DENND2C: variants seen among roughly 807,000 people sequenced by gnomAD.
The protein encoded by DENND2C is DENN domain containing 2C.
In DENND2C, 72 loss-of-function variants were observed where a neutral mutation model predicts 112.4. The ratio of observed to expected loss-of-function variants is 0.64; its 90% CI spans 0.53 to 0.78. The LOEUF is 0.78. Ranked by LOEUF, DENND2C falls within the 30% of genes least tolerant of loss-of-function variation. DENND2C has a pLI of 0.00. For missense variants in DENND2C, 992 were observed against 1,113.8 expected, an observed-to-expected ratio of 0.89 and a Z score of 1.56; for synonymous variants, 329 against 381.6, an observed-to-expected ratio of 0.86 and a Z score of 1.61.
At chr1:114,608,265 T>C (rs1655713186) in intron 10 of DENND2C, among the ~76,000 whole-genome samples, 1 of 150,238 alleles carries the variant, frequency 6.7e-6, no homozygotes, top group Admixed American at 6.6e-5. Flanking sequence ...CAAGACTCCA[T>C]CTAAAAAAAA....
intron 1 of DENND2C, among the ~76,000 whole-genome samples, chr1:114,667,799 A>T (rs1657686962): frequency 1.3e-5 from 2 of 152,174 alleles, no homozygotes; most frequent in Admixed American, 1.3e-4. Flanking sequence ...ACTGATTTGA[A>T]TCCTACTTTT....
At chr1:114,662,360 C>T (rs959907348) in intron 1 of DENND2C, among the ~76,000 whole-genome samples, 5 of 152,092 alleles carry the variant, frequency 3.3e-5, no homozygotes, top group South Asian at 4.1e-4. Flanking sequence ...AAATAACTCT[C>T]TCTCTCCCCC....
chr1:114,669,387 G>C (rs1400247570), intron 1 of DENND2C, among the ~76,000 whole-genome samples: 2 of 152,088 alleles, frequency 1.3e-5, no homozygotes, highest in Non-Finnish European at 2.9e-5. Context: ...CTAGACTTGA[G>C]CCTTTTGACT....
At chr1:114,655,899 T>TAA (rs1553238245) in intron 1 of DENND2C, among the ~76,000 whole-genome samples, 4 of 147,694 alleles carry the variant, frequency 2.7e-5, no homozygotes, top group African/African-American at 7.4e-5. Context: ...TATATATATA[T>TAA]AATATGTATG....
At chr1:114,642,654 T>C (rs577014935) in intron 3 of DENND2C, among the ~76,000 whole-genome samples, 1 of 152,338 alleles carries the variant, frequency 6.6e-6, no homozygotes, top group Non-Finnish European at 1.5e-5. Flanking sequence ...ATGAGGTAGA[T>C]ACTACTGTTA....
intron 2 of DENND2C, among the ~76,000 whole-genome samples, chr1:114,653,506 A>T (rs967397585): frequency 1.5e-4 from 23 of 152,126 alleles, no homozygotes; most frequent in Admixed American, 1.2e-3. Flanking sequence ...ATAAGATTGA[A>T]TTTTTTGGTC....
At chr1:114,624,179 T>C (rs1304409814) in intron 4 of DENND2C, among the ~76,000 whole-genome samples, 1 of 152,252 alleles carries the variant, frequency 6.6e-6, no homozygotes, top group African/African-American at 2.4e-5. Flanking sequence ...ATCACATTCA[T>C]GTTCTTCATT....
chr1:114,585,367 TAA>T lies in DENND2C; in HGVS notation c.*231_*232del. 5.0e-6 allele frequency: 2 copies of T among 398,020 alleles called. No individual in the cohort carries two copies. Among genetic ancestry groups the T allele is most frequent in the East Asian group, 3.8e-5 (1 of 26,606 alleles). The allele number at this position is 398,020 out of a possible 1,614,324, so 24.7% of individuals were successfully genotyped here. A position where few individuals can be genotyped will look rare whatever the true frequency, so the allele number is the denominator to read the frequency against. ...AAGAATCACATAGAAAAGGCTGCTA[TAA>T]AAAAAAAATGGAGACAGAGTAAAGA... is the stretch of plus-strand genomic sequence containing the variant. On this transcript the variant is annotated 3_prime_UTR_variant, in exon 21 of 21. Coordinates refer to ENST00000393274, the MANE Select transcript of DENND2C (RefSeq NM_001256404.2).
At chr1:114,652,583 A>G (rs1038049945) in intron 2 of DENND2C, among the ~76,000 whole-genome samples, 9 of 152,030 alleles carry the variant, frequency 5.9e-5, no homozygotes, top group African/African-American at 1.9e-4. Flanking sequence ...CAAAACCCAT[A>G]AAGGCTGAAG....
At chr1:114,663,926 T>G (rs1207730253) in intron 1 of DENND2C, among the ~76,000 whole-genome samples, 1 of 151,698 alleles carries the variant, frequency 6.6e-6, no homozygotes, top group African/African-American at 2.4e-5. Flanking sequence ...TGCTAACCCC[T>G]GCCTTAGAAG....
At chr1:114,633,856 A>C (rs908879534) in intron 3 of DENND2C, among the ~76,000 whole-genome samples, 8 of 152,362 alleles carry the variant, frequency 5.3e-5, no homozygotes, top group Middle Eastern at 3.4e-3. Context: ...TATCAAACTT[A>C]ATTTAAAAAG....
chr1:114,666,704 T>G (rs1657658211), intron 1 of DENND2C, among the ~76,000 whole-genome samples: 1 of 152,160 alleles, frequency 6.6e-6, no homozygotes. Context: ...CCACCTGCCT[T>G]GGCCTCCCAG....
At chr1:114,604,227 G>A (rs1464788398) in intron 11 of DENND2C, among the ~76,000 whole-genome samples, 1 of 152,204 alleles carries the variant, frequency 6.6e-6, no homozygotes, top group Non-Finnish European at 1.5e-5. Context: ...AGCAACAGCT[G>A]AGGCTATTAT....
chr1:114,596,177 A>G (rs971113721), intron 16 of DENND2C, among the ~76,000 whole-genome samples: 2 of 152,194 alleles, frequency 1.3e-5, no homozygotes, highest in Non-Finnish European at 2.9e-5. Context: ...GTTGGAGACC[A>G]GCCCTGGCAA....
intron 1 of DENND2C, among the ~76,000 whole-genome samples, chr1:114,665,383 G>A (rs1657620113): frequency 6.6e-6 from 1 of 152,050 alleles, no homozygotes; most frequent in Non-Finnish European, 1.5e-5. Context: ...CTGTGAATTT[G>A]CTATAAAGCT....
At chr1:114,646,259 C>T (rs922641801) in intron 2 of DENND2C, among the ~76,000 whole-genome samples, 8 of 152,158 alleles carry the variant, frequency 5.3e-5, no homozygotes, top group African/African-American at 1.4e-4. Flanking sequence ...ATGTTTACCT[C>T]GTAGGGACAC....
In DENND2C at chr1:114,599,279, C is replaced by G; in HGVS notation, c.2278G>C (p.Glu760Gln). Residue 760 changes from glutamate (E) to glutamine (Q), a missense_variant, in exon 16 of 21, where the codon GAA becomes CAA. Physicochemically the swap from Glu to Gln is conservative, Grantham distance 29. Around this residue, in one of 3 missense-constraint regions of DENND2C, gnomAD observed 516 missense variants for 623.6 expected, o/e 0.83. Coordinates refer to ENST00000393274, the MANE Select transcript of DENND2C (RefSeq NM_001256404.2). The stretch of plus-strand genomic sequence containing the variant: ...GTTCCATTCTTCTATCTCACCTCTT[C>G]AATGGGTAGGTCCTGGAGCTGTGGT... ...SLPQLQDLPI[E>Q]EVLIVDLCAD... 6.2e-7 allele frequency: 1 copy of G among 1,605,920 alleles called. No homozygotes were observed. Among genetic ancestry groups the G allele is most frequent in the Non-Finnish European group, 8.5e-7 (1 of 1,174,818 alleles).
intron 20 of DENND2C, chr1:114,587,088 G>A (rs61811017): frequency 0.093 from 25,175 of 271,834 alleles, 1,602 homozygotes; most frequent in Non-Finnish European, 0.14. Flanking sequence ...AGCAGAGATG[G>A]GGTTTCACCA....
intron 13 of DENND2C, 61 bp downstream of exon 13, chr1:114,601,447 C>T: frequency 6.6e-7 from 1 of 1,510,598 alleles, no homozygotes; most frequent in Non-Finnish European, 9.0e-7. Context: ...AAACTCTATG[C>T]CACTTAATAT....
Sources: allele counts gnomAD v4.1 joint callset (sites outside exome capture counted in the v4.1 genomes callset), GRCh38; gene constraint gnomAD v4.1.1; regional missense constraint gnomAD v4.1.1; transcripts MANE v1.5; gene names NCBI Gene and HGNC (gene_info 2026-07-23, HGNC 2026-07-21).